Variants in APOLD1 observed in about 807,000 individuals in gnomAD.
The protein encoded by APOLD1 is apolipoprotein L domain-containing protein 1.
In APOLD1, 22 loss-of-function variants were observed where a neutral mutation model predicts 15.3. The observed-to-expected ratio is 1.44, with a 90% CI of 1.03 to 2.05. APOLD1 has a LOEUF of 2.05. Among genes scored for constraint, APOLD1 ranks in the 30% most tolerant of loss-of-function variants. The pLI is 0.00. For synonymous variants in APOLD1, 190 were observed against 167.4 expected, an observed-to-expected ratio of 1.13 and a Z score of -1.04; for missense variants, 394 against 353.5, an observed-to-expected ratio of 1.11 and a Z score of -0.92.
At position 12,789,168 on chromosome 12, in the gene APOLD1, T is replaced by G. The variant is rs1388502349; in HGVS notation, c.*1516T>G. 3.9e-5 allele frequency: 6 copies of G among 152,256 alleles called. No homozygotes were observed. Among genetic ancestry groups the G allele is most frequent in the Non-Finnish European group, 8.8e-5 (6 of 68,048 alleles). The allele number at this position is 152,256 out of a possible 1,614,324, so 9.4% of individuals were successfully genotyped here. A position where few individuals can be genotyped will look rare whatever the true frequency, so the allele number is the denominator to read the frequency against. Reference sequence around the variant, plus strand: ...ATTTAATTTTATTTAATCACCACATTTAGAAAATAATAAGAGCAAGTTTCT... The same window carrying G: ...ATTTAATTTTATTTAATCACCACATGTAGAAAATAATAAGAGCAAGTTTCT... On this transcript the variant is annotated 3_prime_UTR_variant, in exon 2 of 2. Transcript: ENST00000356591.
chr12:12,728,714 A>C (rs985022034), intron 1 of APOLD1, among the ~76,000 whole-genome samples: 1 of 151,646 alleles, frequency 6.6e-6, no homozygotes, highest in Non-Finnish European at 1.5e-5. Flanking sequence ...AAAGAAAGAA[A>C]GAGAAAGATT....
intron 1 of APOLD1, among the ~76,000 whole-genome samples, chr12:12,761,009 G>C (rs968786355): frequency 1.3e-5 from 2 of 152,188 alleles, no homozygotes; most frequent in Non-Finnish European, 2.9e-5. Flanking sequence ...CTTTTGAGAT[G>C]TTAAACCTTA....
intron 1 of APOLD1, among the ~76,000 whole-genome samples, chr12:12,751,477 A>C (rs1322207628): frequency 1.3e-5 from 2 of 152,152 alleles, no homozygotes; most frequent in Non-Finnish European, 2.9e-5. Flanking sequence ...TAGCCTCCCA[A>C]ATAGCTGGGA....
intron 1 of APOLD1, among the ~76,000 whole-genome samples, chr12:12,745,637 G>A (rs1463436315): frequency 4.6e-5 from 7 of 152,096 alleles, no homozygotes; most frequent in African/African-American, 9.7e-5. Flanking sequence ...CCTATATTGC[G>A]TGTAGTGTAA....
intron 1 of APOLD1, 97 bp downstream of exon 1, chr12:12,785,791 C>A: frequency 1.6e-6 from 2 of 1,238,916 alleles, no homozygotes; most frequent in Non-Finnish European, 2.4e-6. Context: ...ATTATGGAAG[C>A]ATGGAAGTAA....
intron 1 of APOLD1, 151 bp from the exon 2 acceptor site, chr12:12,786,758 C>G: frequency 7.8e-7 from 1 of 1,280,570 alleles, no homozygotes; most frequent in Non-Finnish European, 9.8e-7. Context: ...GAACTCGTCT[C>G]ATGATCCACT....
rs920999955 is a variant in APOLD1, at chr12:12,737,550, T to G, written c.96+11454T>G. Among the ~76,000 whole-genome samples, 4 of 152,206 alleles carry G rather than the reference T, an allele frequency of 2.6e-5. No individual in the cohort carries two copies. The East Asian group carries it at 7.7e-4, about 29-fold the overall frequency. ...GCCCCTGCCAAACTGAGACCTGAAATAATTCCTGCATCTTACCTTCTCTGT... is the reference window on the plus strand; with the variant it reads ...GCCCCTGCCAAACTGAGACCTGAAAGAATTCCTGCATCTTACCTTCTCTGT... On this transcript the variant is annotated intron_variant, in intron 1 of 1. Coordinates refer to the APOLD1 transcript ENST00000326765.
upstream of APOLD1, among the ~76,000 whole-genome samples, chr12:12,781,509 C>T (rs897943805): frequency 4.0e-5 from 6 of 151,456 alleles, no homozygotes; most frequent in South Asian, 8.3e-4. Context: ...AGGCCTTGAG[C>T]GTAATTATCA....
intron 1 of APOLD1, among the ~76,000 whole-genome samples, chr12:12,774,680 T>C (rs901661139): frequency 3.3e-5 from 5 of 149,722 alleles, no homozygotes; most frequent in Admixed American, 3.3e-4. Flanking sequence ...ATATTGGTGG[T>C]AAATAAATAT....
Position 12,788,149 on chromosome 12 carries a change from C to T in APOLD1, c.*497C>T, listed in dbSNP as rs749043659. On this transcript the variant is annotated 3_prime_UTR_variant, in exon 2 of 2. Transcript: ENST00000356591. ...CAGAGCAAATCAGCCCTTCTCTGAA[C>T]GTTGTAGGATGGTTCAGAACCCAGA... 8.9e-5 allele frequency: 14 copies of T among 157,308 alleles called. No individual in the cohort carries two copies. Among genetic ancestry groups the T allele is most frequent in the East Asian group, 1.9e-4 (1 of 5,264 alleles). 9.7% of individuals were successfully genotyped at this position (157,308 alleles called of 1,614,324 possible). A position where few individuals can be genotyped will look rare whatever the true frequency, so the allele number is the denominator to read the frequency against.
intron 1 of APOLD1, among the ~76,000 whole-genome samples, chr12:12,761,835 A>ATATATAT (rs1565432774): frequency 2.6e-4 from 32 of 123,352 alleles, no homozygotes; most frequent in East Asian, 1.2e-3. Context: ...ATGTATAGAG[A>ATATATAT]GAGAGAGAGA....
At chr12:12,729,961 A>AT (rs1344604886) in intron 1 of APOLD1, among the ~76,000 whole-genome samples, 1 of 151,266 alleles carries the variant, frequency 6.6e-6, no homozygotes, top group Non-Finnish European at 1.5e-5. Context: ...GGCTCAAGTG[A>AT]TCCCCCTGCC....
At position 12,728,665 on chromosome 12, in the gene APOLD1, C is replaced by CAAAAAAAAA. The variant is rs58877184; in HGVS notation, c.96+2587_96+2595dup. On this transcript the variant is annotated intron_variant, in intron 1 of 1. Transcript: ENST00000326765. ...CCTGGGCAACAGTGAGACCCTGTCT[C>CAAAAAAAAA]AAAAAAAAAAAAAAAAAAAAAAAAA... is the stretch of plus-strand genomic sequence containing the variant. Among the ~76,000 whole-genome samples, 214 of 62,814 alleles carry CAAAAAAAAA rather than the reference C, an allele frequency of 3.4e-3. 9 individuals carry two copies. The highest frequency in any genetic ancestry group is 4.4e-3 in the African/African-American group (50 of 11,280). The allele number at this position is 62,814 out of a possible 152,430, so 41.2% of individuals were successfully genotyped here.
At chr12:12,751,494 G>A (rs939001715) in intron 1 of APOLD1, among the ~76,000 whole-genome samples, 4 of 152,136 alleles carry the variant, frequency 2.6e-5, no homozygotes, top group African/African-American at 9.7e-5. Flanking sequence ...GGGACTACAG[G>A]GGCGTTCAAC....
intron 1 of APOLD1, among the ~76,000 whole-genome samples, chr12:12,768,004 C>G (rs139569029): frequency 8.2e-4 from 125 of 152,124 alleles, no homozygotes; most frequent in African/African-American, 2.8e-3. Context: ...TCAGGCTGGT[C>G]TTGAACTCCT....
Position 12,740,413 on chromosome 12 carries a change from G to A in APOLD1, c.96+14317G>A, listed in dbSNP as rs373521576. ...ATTACAGGCATGAGCCACTGTACCC[G>A]GCCCTCAGATCTTATTTTCTATGGA... On this transcript the variant is annotated intron_variant, in intron 1 of 1. Transcript: ENST00000326765. 3.7e-4 allele frequency among the ~76,000 whole-genome samples: 57 copies of A among 152,224 alleles called. 1 individual carries two copies. The highest frequency in any genetic ancestry group is 1.2e-3 in the African/African-American group (50 of 41,536).
chr12:12,728,633 A>C (rs1476110491), intron 1 of APOLD1, among the ~76,000 whole-genome samples: 2 of 136,250 alleles, frequency 1.5e-5, no homozygotes, highest in African/African-American at 2.8e-5. Context: ...ATGCCACTGC[A>C]TGCTGGCCTG....
At chr12:12,774,191 A>G (rs1384597595) in intron 1 of APOLD1, among the ~76,000 whole-genome samples, 1 of 152,208 alleles carries the variant, frequency 6.6e-6, no homozygotes, top group African/African-American at 2.4e-5. Context: ...CAAAAGACAT[A>G]TTTGATAAAG....
chr12:12,774,047 TACA>T (rs1196193180), intron 1 of APOLD1, among the ~76,000 whole-genome samples: 9 of 152,106 alleles, frequency 5.9e-5, no homozygotes, highest in African/African-American at 2.2e-4. Flanking sequence ...ACTTTTCAGA[TACA>T]ACATCAAAGG....
Sources: allele counts gnomAD v4.1 joint callset (sites outside exome capture counted in the v4.1 genomes callset), GRCh38; gene constraint gnomAD v4.1.1; transcripts MANE v1.5; gene names NCBI Gene and HGNC (gene_info 2026-07-23, HGNC 2026-07-21).